NR1D2: variants seen among roughly 807,000 people sequenced by gnomAD.
NR1D2 encodes the protein V-erbA-related protein 1-related.
In NR1D2, 25 loss-of-function variants were observed where a neutral mutation model predicts 52.2. The ratio of observed to expected loss-of-function variants is 0.48; its 90% confidence interval spans 0.35 to 0.67. The LOEUF (loss-of-function observed/expected upper bound fraction) is 0.67. Ranked by LOEUF, NR1D2 falls within the 30% of genes least tolerant of loss-of-function variation. The pLI is 0.01. For synonymous variants in NR1D2, 259 were observed against 230.1 expected (o/e 1.13, Z -1.14); for missense variants, 681 against 707.2 (o/e 0.96, Z 0.42).
chr3:23,968,113 T>C (rs945257490), intron 7 of NR1D2, 90 bp downstream of exon 7: 1 of 991,524 alleles, frequency 1.0e-6, no homozygotes, highest in East Asian at 2.4e-5. Flanking sequence ...CAGAAAGTTA[T>C]ATAGAGGGAA....
chr3:23,970,947 A>G (rs1418731278), intron 7 of NR1D2, among the ~76,000 whole-genome samples: 1 of 151,984 alleles, frequency 6.6e-6, no homozygotes, highest in Non-Finnish European at 1.5e-5. Flanking sequence ...ACACCCAACT[A>G]ATTTTGTATT....
chr3:23,947,529 T>C (rs1395503909), intron 1 of NR1D2, among the ~76,000 whole-genome samples: 2 of 152,350 alleles, frequency 1.3e-5, no homozygotes, highest in East Asian at 3.9e-4. Flanking sequence ...AGTTGCCCTC[T>C]TTGTCTTGAA....
intron 4 of NR1D2, among the ~76,000 whole-genome samples, chr3:23,960,887 T>C (rs1196489718): frequency 6.6e-6 from 1 of 152,214 alleles, no homozygotes; most frequent in African/African-American, 2.4e-5. Flanking sequence ...TCTGGGCAAG[T>C]ATACTGAATT....
At chr3:23,975,920 T>G (rs1459470537) in intron 7 of NR1D2, among the ~76,000 whole-genome samples, 1 of 152,230 alleles carries the variant, frequency 6.6e-6, no homozygotes, top group Non-Finnish European at 1.5e-5. Context: ...CTCCTCAATA[T>G]CCTTGTAAAA....
At chr3:23,957,233 T>C (rs1158907300) in intron 3 of NR1D2, among the ~76,000 whole-genome samples, 1 of 151,788 alleles carries the variant, frequency 6.6e-6, no homozygotes, top group East Asian at 2.0e-4. Flanking sequence ...TCTGCCCGCC[T>C]CGGCTTCGCA....
chr3:23,973,808 C>T (rs1474988836), intron 7 of NR1D2, among the ~76,000 whole-genome samples: 2 of 151,892 alleles, frequency 1.3e-5, no homozygotes, highest in African/African-American at 4.8e-5. Context: ...TCTTTATATC[C>T]TTATTCTATA....
chr3:23,947,435 T>C (rs991770361), intron 1 of NR1D2, among the ~76,000 whole-genome samples: 2 of 152,226 alleles, frequency 1.3e-5, no homozygotes, highest in Non-Finnish European at 2.9e-5. Context: ...TTCTGATCAC[T>C]CATCATCCTT....
chr3:23,946,754 C>G (rs1301211405), intron 1 of NR1D2, among the ~76,000 whole-genome samples: 1 of 152,142 alleles, frequency 6.6e-6, no homozygotes, highest in Non-Finnish European at 1.5e-5. Flanking sequence ...TGAATCTGAT[C>G]AAGAGAATTT....
intron 4 of NR1D2, among the ~76,000 whole-genome samples, chr3:23,960,570 G>A (rs184302815): frequency 1.3e-5 from 2 of 152,262 alleles, no homozygotes; most frequent in Admixed American, 1.3e-4. Flanking sequence ...GACCTCAAGT[G>A]ATCCACCTGC....
rs1706764724 is a variant in NR1D2, at chr3:23,977,538, T to C, written c.*119T>C. ...AGACCTTTAAGACAATAAAAGATTGTAGGCTATCTCTGTAATCATGCAATA... is the reference window on the plus strand; with the variant it reads ...AGACCTTTAAGACAATAAAAGATTGCAGGCTATCTCTGTAATCATGCAATA... On this transcript the variant is annotated 3_prime_UTR_variant, in exon 8 of 8. Transcript: ENST00000312521. 1 of 605,420 alleles carries C rather than the reference T, an allele frequency of 1.7e-6. No individual in the cohort carries two copies. The highest frequency in any genetic ancestry group is 3.9e-5 in the South Asian group (1 of 25,736). The allele number at this position is 605,420 out of a possible 1,614,324, so 37.5% of individuals were successfully genotyped here. A position where few individuals can be genotyped will look rare whatever the true frequency, so the allele number is the denominator to read the frequency against.
Position 23,962,442 on chromosome 3 carries a change from T to C in NR1D2, c.983T>C (p.Met328Thr), listed in dbSNP as rs1156877296. The change falls in exon 5 of 8, where the codon ATG becomes ACG. Residue 328 changes from methionine (M) to threonine (T), a missense_variant. Transcript: ENST00000312521. ...GGACAGTTCAAAGGGAGGAATATAA[T>C]GCATTACCCAAATGGTCATGCCATT... is the stretch of plus-strand genomic sequence containing the variant. ...LNGQFKGRNI[M>T]HYPNGHAICI... The C allele has an allele frequency of 6.2e-7, 1 of 1,614,180 alleles. No individual in the cohort carries two copies. The highest frequency in any genetic ancestry group is 2.2e-5 in the East Asian group (1 of 44,882).
chr3:23,978,218 A>G lies in NR1D2; in HGVS notation c.*799A>G, dbSNP rs1362457549. 2 of 152,306 alleles carry G rather than the reference A, an allele frequency of 1.3e-5. No homozygotes were observed. The highest frequency in any genetic ancestry group is 3.9e-4 in the East Asian group (2 of 5,192). The allele number at this position is 152,306 out of a possible 1,614,324, so 9.4% of individuals were successfully genotyped here. On this transcript the variant is annotated 3_prime_UTR_variant, in exon 8 of 8. Coordinates refer to ENST00000312521, the MANE Select transcript of NR1D2 (RefSeq NM_005126.5). Reference sequence around the variant, plus strand: ...CAAAGTTTATGGGTACAACAAAGACATAGTACATGTACATAATATGTATGT... The same window carrying G: ...CAAAGTTTATGGGTACAACAAAGACGTAGTACATGTACATAATATGTATGT...
intron 6 of NR1D2, 56 bp from the exon 7 acceptor site, chr3:23,967,756 TA>T (rs1336778219): frequency 6.6e-6 from 9 of 1,353,622 alleles, no homozygotes; most frequent in Middle Eastern, 2.2e-4. Flanking sequence ...AATACTAAGT[TA>T]TTTTTTTATT....
In NR1D2 at chr3:23,954,564, C is replaced by CCAG. The variant is rs771397516; in HGVS notation, c.46_48dup (p.Ser17dup). The CCAG allele has an allele frequency of 6.2e-7, 1 of 1,614,034 alleles. No individual in the cohort carries two copies. The highest frequency in any genetic ancestry group is 1.1e-5 in the South Asian group (1 of 91,078). ...GGTGTGATTGCCTATATCAGTTCTT[C>CCAG]CAGCTCAGCCTCAAGCCCTGCCTCT... is the stretch of plus-strand genomic sequence containing the variant. On this transcript the variant is annotated inframe_insertion, in exon 2 of 8. Transcript: ENST00000312521.
intron 1 of NR1D2, among the ~76,000 whole-genome samples, chr3:23,952,185 A>T (rs1345412403): frequency 6.6e-6 from 1 of 152,204 alleles, no homozygotes; most frequent in Non-Finnish European, 1.5e-5. Context: ...GTTTGTAGTT[A>T]GGGACCATGT....
intron 3 of NR1D2, among the ~76,000 whole-genome samples, chr3:23,957,105 C>T (rs1001155548): frequency 6.6e-6 from 1 of 151,866 alleles, no homozygotes. Flanking sequence ...GTCTCAGCCT[C>T]CCGAGTAGCT....
chr3:23,968,918 A>G (rs1706518088), intron 7 of NR1D2, among the ~76,000 whole-genome samples: 1 of 152,188 alleles, frequency 6.6e-6, no homozygotes, highest in African/African-American at 2.4e-5. Flanking sequence ...GCACTGTGCT[A>G]GGCATTGTGA....
rs1246019849 is a variant in NR1D2, at chr3:23,962,114, A to C, written c.655A>C (p.Thr219Pro). 6.2e-7 allele frequency: 1 copy of C among 1,614,090 alleles called. No individual in the cohort carries two copies. The highest frequency in any genetic ancestry group is 1.7e-5 in the Admixed American group (1 of 60,008). Residue 219 changes from threonine (T) to proline (P), a missense_variant, in exon 5 of 8, where the codon ACA becomes CCA. Coordinates refer to ENST00000312521, the MANE Select transcript of NR1D2 (RefSeq NM_005126.5). Reference sequence around the variant, plus strand: ...CACATTAGTAGAACATCATGAACAGACAGCCTTGCCAGCCCAGGAACAGCT... The same window carrying C: ...CACATTAGTAGAACATCATGAACAGCCAGCCTTGCCAGCCCAGGAACAGCT... ...NDTLVEHHEQ[T>P]ALPAQEQLRP...
intron 3 of NR1D2, among the ~76,000 whole-genome samples, chr3:23,956,759 C>A (rs1033215726): frequency 2.0e-5 from 3 of 152,168 alleles, no homozygotes; most frequent in Non-Finnish European, 4.4e-5. Flanking sequence ...TACCTCCCTA[C>A]CTATATACAG....
Sources: allele counts gnomAD v4.1 joint callset (sites outside exome capture counted in the v4.1 genomes callset), GRCh38; gene constraint gnomAD v4.1.1; transcripts MANE v1.5; gene names NCBI Gene and HGNC (gene_info 2026-07-23, HGNC 2026-07-21).